Variants in ATP8B4 observed in about 807,000 individuals in gnomAD.
ATP8B4 encodes probable phospholipid-transporting ATPase IM.
In ATP8B4, 133 loss-of-function variants were observed where a neutral mutation model predicts 145.6. The ratio of observed to expected loss-of-function variants is 0.91; its 90% confidence interval spans 0.79 to 1.05. ATP8B4 has a LOEUF of 1.05. ATP8B4 is among the 50% of genes least tolerant of loss of function. The pLI is 0.00. For synonymous variants in ATP8B4, 507 were observed against 492.9 expected (o/e 1.03, Z -0.38); for missense variants, 1,458 against 1,425.2 (o/e 1.02, Z -0.37).
intron 6 of ATP8B4, among the ~76,000 whole-genome samples, chr15:50,029,255 A>AAAC (rs2050256690): frequency 7.1e-6 from 1 of 141,164 alleles, no homozygotes; most frequent in Non-Finnish European, 1.6e-5. Context: ...AAAAAAAAAA[A>AAAC]AACAGAAAAA....
chr15:49,891,589 G>A (rs1352452017), intron 23 of ATP8B4, among the ~76,000 whole-genome samples: 1 of 152,108 alleles, frequency 6.6e-6, no homozygotes, highest in Non-Finnish European at 1.5e-5. Context: ...GCCTCCCAAA[G>A]TGCTAGGATT....
At chr15:50,120,970 G>A, upstream of ATP8B4, among the ~76,000 whole-genome samples, 1 of 152,100 alleles carries the variant, frequency 6.6e-6, no homozygotes, top group East Asian at 1.9e-4. Context: ...AGTGCCTGGA[G>A]CAAAGTAGAG....
intron 23 of ATP8B4, among the ~76,000 whole-genome samples, chr15:49,889,791 T>A (rs1414317543): frequency 1.3e-5 from 2 of 152,210 alleles, no homozygotes; most frequent in Non-Finnish European, 2.9e-5. Context: ...CTTCATTAAA[T>A]AATTAAGCTG....
chr15:49,892,828 C>T (rs1377853086), intron 23 of ATP8B4, among the ~76,000 whole-genome samples: 1 of 152,154 alleles, frequency 6.6e-6, no homozygotes, highest in Non-Finnish European at 1.5e-5. Flanking sequence ...AAAGCTAGGG[C>T]AACAAAGAGC....
chr15:49,876,475 C>G lies in ATP8B4; in HGVS notation c.2830G>C (p.Gly944Arg), dbSNP rs527697143. 61 of 1,614,116 alleles carry G rather than the reference C, an allele frequency of 3.8e-5. No individual in the cohort carries two copies. The South Asian group carries it at 6.3e-4, about 17-fold the overall frequency. ...SVDCPQLYKPGQLNLLFNKRK... is the reference protein window; with the variant it reads ...SVDCPQLYKPRQLNLLFNKRK... ...TTGTTAAAAAGCAGATTCAGCTGTC[C>G]TGGTTTGTAGAGCTGGGGACAGTCC... Residue 944 changes from glycine to arginine, a missense_variant, in exon 25 of 28, where the codon GGA becomes CGA. Gly to Arg is a moderately radical substitution (Grantham distance 125). Coordinates refer to ENST00000284509, the MANE Select transcript of ATP8B4 (RefSeq NM_024837.4).
intron 1 of ATP8B4, among the ~76,000 whole-genome samples, chr15:50,156,237 C>T (rs1409790030): frequency 6.7e-6 from 1 of 149,992 alleles, no homozygotes; most frequent in East Asian, 1.9e-4. Flanking sequence ...TTCCTTTTGG[C>T]CCCTGTGTAC....
intron 20 of ATP8B4, among the ~76,000 whole-genome samples, chr15:49,903,266 A>G (rs1469514490): frequency 6.6e-6 from 1 of 152,260 alleles, no homozygotes; most frequent in African/African-American, 2.4e-5. Context: ...AAAAAGCTAC[A>G]CATAACTCCC....
chr15:50,160,083 T>C (rs2140838775), intron 1 of ATP8B4, among the ~76,000 whole-genome samples: 1 of 150,336 alleles, frequency 6.7e-6, no homozygotes, highest in Non-Finnish European at 1.5e-5. Context: ...TGCTTGTTAT[T>C]GGTCTGTTCA....
chr15:49,971,816 G>T (rs566687170), intron 13 of ATP8B4, among the ~76,000 whole-genome samples: 3 of 152,224 alleles, frequency 2.0e-5, no homozygotes, highest in East Asian at 3.9e-4. Flanking sequence ...AAAGACACAT[G>T]CACACATATG....
intron 1 of ATP8B4, among the ~76,000 whole-genome samples, chr15:50,155,252 T>C (rs953948061): frequency 6.6e-6 from 1 of 152,152 alleles, no homozygotes; most frequent in Non-Finnish European, 1.5e-5. Flanking sequence ...GCCTTATTTA[T>C]CAAAGAATTG....
intron 6 of ATP8B4, among the ~76,000 whole-genome samples, chr15:50,033,054 A>T (rs1416089034): frequency 2.0e-5 from 3 of 152,208 alleles, no homozygotes; most frequent in Non-Finnish European, 4.4e-5. Flanking sequence ...GTTCCTATTG[A>T]AAGAGTATAT....
chr15:50,152,280 C>G (rs1242844396), intron 1 of ATP8B4, among the ~76,000 whole-genome samples: 1 of 152,012 alleles, frequency 6.6e-6, no homozygotes, highest in Non-Finnish European at 1.5e-5. Context: ...CTTAGAATAC[C>G]TGTGTTAAAA....
rs542864475 is a variant in ATP8B4 at position 50,172,431 on chromosome 15, C to G, written c.-43+9830G>C. 3.4e-3 allele frequency among the ~76,000 whole-genome samples: 515 copies of G among 152,374 alleles called. 1 individual carries two copies. The highest frequency in any genetic ancestry group is 0.012 in the African/African-American group (494 of 41,590). On this transcript the variant is annotated intron_variant, in intron 1 of 3. Coordinates refer to the ATP8B4 transcript ENST00000558829. ...GGTGCCGGGATTGCAGACGGAGTCT[C>G]GCTCACACAGTGCTCAATGTTGCCC...
chr15:49,882,775 T>C (rs1229709715), intron 23 of ATP8B4, among the ~76,000 whole-genome samples: 2 of 152,102 alleles, frequency 1.3e-5, no homozygotes, highest in South Asian at 2.1e-4. Flanking sequence ...CTCTAGAGGA[T>C]TGGAAAGAGG....
At chr15:49,921,940 T>C (rs570814115) in intron 17 of ATP8B4, among the ~76,000 whole-genome samples, 1 of 152,358 alleles carries the variant, frequency 6.6e-6, no homozygotes, top group East Asian at 1.9e-4. Flanking sequence ...AGCACTTTTT[T>C]GCCTTTAACT....
chr15:50,122,331 T>C (rs2057278070), upstream of ATP8B4, among the ~76,000 whole-genome samples: 1 of 152,212 alleles, frequency 6.6e-6, no homozygotes, highest in East Asian at 1.9e-4. Flanking sequence ...GCTCCTGTGA[T>C]GCTTATCAGC....
intron 1 of ATP8B4, among the ~76,000 whole-genome samples, chr15:50,160,549 G>A (rs1011152190): frequency 2.0e-5 from 3 of 149,844 alleles, no homozygotes; most frequent in Non-Finnish European, 4.5e-5. Context: ...TGCTTTCACT[G>A]TATCCCACAG....
At chr15:49,922,224 C>T (rs2040326564) in intron 17 of ATP8B4, 1 of 176,566 alleles carries the variant, frequency 5.7e-6, no homozygotes, top group Non-Finnish European at 1.2e-5. Context: ...TTTATATTAC[C>T]TGAAAAAAAA....
chr15:49,909,694 A>G (rs1344239377), intron 20 of ATP8B4, among the ~76,000 whole-genome samples: 1 of 146,834 alleles, frequency 6.8e-6, no homozygotes, highest in Non-Finnish European at 1.5e-5. Flanking sequence ...CCACTGAGGA[A>G]GTCACAGACA....
Sources: gnomAD v4.1 joint callset for allele counts (sites outside exome capture counted in the v4.1 genomes callset) on GRCh38, gnomAD v4.1.1 for gene constraint, MANE v1.5 for transcripts, NCBI Gene and HGNC (gene_info 2026-07-23, HGNC 2026-07-21) for gene names.